The following NRG3 variants were observed in gnomAD, a reference collection of about 807,000 sequenced individuals.
NRG3 encodes the protein pro-neuregulin-3, membrane-bound isoform.
In NRG3, 31 loss-of-function variants were observed where a neutral mutation model predicts 66.9. The observed-to-expected ratio is 0.46, with a 90% CI of 0.35 to 0.63. NRG3 has a LOEUF of 0.63. Among genes scored for constraint, NRG3 ranks in the 20% least tolerant of loss-of-function variants. The pLI, the probability that NRG3 is intolerant of heterozygous loss-of-function variation, is 0.00. For synonymous variants in NRG3, 393 were observed against 359.4 expected (o/e 1.09, Z -1.06); for missense variants, 910 against 878.9 (o/e 1.04, Z -0.45).
chr10:82,948,659 T>C lies in NRG3; in HGVS notation c.1055-2810T>C, dbSNP rs1592059406. Among the ~76,000 whole-genome samples the C allele has an allele frequency of 3.9e-5, 6 of 152,292 alleles. No homozygotes were observed. In the South Asian group the frequency reaches 1.2e-3, roughly 32 times the overall value. On this transcript the variant is annotated intron_variant, in intron 4 of 8. Transcript: ENST00000372141. ...TTGTTAAATTGATCTCTATGTATTT[T>C]ACATGCTTTGATGCTATTGTAAATG... is the stretch of plus-strand genomic sequence containing the variant.
intron 3 of NRG3, among the ~76,000 whole-genome samples, chr10:82,836,713 A>C (rs1333233567): frequency 2.7e-5 from 4 of 150,498 alleles, no homozygotes; most frequent in Non-Finnish European, 4.4e-5. Context: ...ATTTTATTTT[A>C]TTTTTTTATT....
chr10:81,996,259 T>C (rs1171580449), intron 1 of NRG3, among the ~76,000 whole-genome samples: 1 of 152,206 alleles, frequency 6.6e-6, no homozygotes, highest in African/African-American at 2.4e-5. Flanking sequence ...CTACAAGGTA[T>C]GAAAATGTTG....
chr10:82,763,290 A>C (rs2059396211), intron 3 of NRG3, among the ~76,000 whole-genome samples: 1 of 152,330 alleles, frequency 6.6e-6, no homozygotes, highest in Non-Finnish European at 1.5e-5. Context: ...AGGCCACAGG[A>C]AAAATTCATG....
intron 1 of NRG3, among the ~76,000 whole-genome samples, chr10:82,320,128 G>T (rs1589709139): frequency 6.6e-6 from 1 of 152,134 alleles, no homozygotes; most frequent in African/African-American, 2.4e-5. Flanking sequence ...AATTCTAACT[G>T]CTCAGAAATG....
At chr10:82,552,080 G>A (rs1360599619) in intron 2 of NRG3, among the ~76,000 whole-genome samples, 2 of 152,052 alleles carry the variant, frequency 1.3e-5, no homozygotes, top group Non-Finnish European at 2.9e-5. Flanking sequence ...AGGACTGTAG[G>A]TGGAGTTGCT....
At chr10:82,707,005 AT>A (rs2056339674) in intron 2 of NRG3, among the ~76,000 whole-genome samples, 1 of 118,108 alleles carries the variant, frequency 8.5e-6, no homozygotes, top group African/African-American at 3.2e-5. Flanking sequence ...AAAAAAAAAA[AT>A]AAAATAAAAT....
chr10:82,979,245 T>C, intron 8 of NRG3, 125 bp downstream of exon 8: 1 of 967,316 alleles, frequency 1.0e-6, no homozygotes. Flanking sequence ...ATATGCTTAC[T>C]GCCATCTTTG....
At chr10:82,182,045 T>C (rs996874631) in intron 1 of NRG3, among the ~76,000 whole-genome samples, 1 of 151,858 alleles carries the variant, frequency 6.6e-6, no homozygotes, top group Non-Finnish European at 1.5e-5. Context: ...AAATGTATTT[T>C]GTCTGGTATA....
At position 82,682,946 on chromosome 10, in the gene NRG3, A is replaced by AT. The variant is rs71009814; in HGVS notation, c.954-55603dup. Among the ~76,000 whole-genome samples the AT allele has an allele frequency of 3.5e-3, 229 of 65,350 alleles. 17 individuals carry two copies. The highest frequency in any genetic ancestry group is 5.9e-3 in the Admixed American group (24 of 4,092). 42.9% of individuals were successfully genotyped at this position (65,350 alleles called of 152,430 possible). On this transcript the variant is annotated intron_variant, in intron 2 of 8. Transcript: ENST00000372141. ...TTGTGAAAATACAGACCATGTCTTA[A>AT]TTTTTTTTTTTTTTTTTTTTTTTTT...
intron 2 of NRG3, among the ~76,000 whole-genome samples, chr10:82,633,175 C>A (rs2049961423): frequency 6.6e-6 from 1 of 152,124 alleles, no homozygotes; most frequent in Admixed American, 6.5e-5. Flanking sequence ...CAGAAATCGT[C>A]CAGAAGACTT....
intron 1 of NRG3, among the ~76,000 whole-genome samples, chr10:82,111,640 A>G (rs1168609522): frequency 6.6e-6 from 1 of 152,144 alleles, no homozygotes; most frequent in Non-Finnish European, 1.5e-5. Flanking sequence ...CTGTGAATTT[A>G]CCTACCACAA....
chr10:82,457,525 G>T (rs2091322427), intron 2 of NRG3, among the ~76,000 whole-genome samples: 1 of 152,120 alleles, frequency 6.6e-6, no homozygotes, highest in Admixed American at 6.5e-5. Context: ...ACCAGCAGCA[G>T]TCCATGGCCT....
intron 2 of NRG3, among the ~76,000 whole-genome samples, chr10:82,707,778 GT>G (rs1210656633): frequency 6.8e-6 from 1 of 148,124 alleles, no homozygotes; most frequent in Admixed American, 6.8e-5. Context: ...GGAGGCTGAG[GT>G]GTGTGGATCA....
At chr10:82,935,517 G>A (rs1222712506) in intron 4 of NRG3, among the ~76,000 whole-genome samples, 1 of 152,152 alleles carries the variant, frequency 6.6e-6, no homozygotes, top group African/African-American at 2.4e-5. Context: ...AGACCTATGA[G>A]CACTAACATA....
At chr10:82,552,467 G>T (rs190006753) in intron 2 of NRG3, among the ~76,000 whole-genome samples, 1 of 152,228 alleles carries the variant, frequency 6.6e-6, no homozygotes, top group Admixed American at 6.5e-5. Context: ...TTTAAAAAAT[G>T]CTGACTAATG....
chr10:82,743,144 A>C (rs750767014), intron 3 of NRG3, among the ~76,000 whole-genome samples: 13 of 152,042 alleles, frequency 8.6e-5, no homozygotes, highest in Non-Finnish European at 1.6e-4. Flanking sequence ...AGTACTTAGC[A>C]TATTCCTGGC....
intron 1 of NRG3, among the ~76,000 whole-genome samples, chr10:82,292,840 A>T (rs1302240415): frequency 6.6e-6 from 1 of 152,174 alleles, no homozygotes; most frequent in African/African-American, 2.4e-5. Context: ...TTTAGGCAAG[A>T]GTTCAGAGTG....
intron 2 of NRG3, among the ~76,000 whole-genome samples, chr10:82,527,082 T>G (rs1312888722): frequency 6.6e-6 from 1 of 152,044 alleles, no homozygotes; most frequent in East Asian, 1.9e-4. Flanking sequence ...CAGGAATGTT[T>G]CATACCAAGA....
chr10:82,018,127 G>A (rs941011284), intron 1 of NRG3, among the ~76,000 whole-genome samples: 43 of 152,246 alleles, frequency 2.8e-4, no homozygotes, highest in African/African-American at 9.4e-4. Flanking sequence ...TGTAAGGAAG[G>A]GATCCAGTTT....
Sources: gnomAD v4.1 joint callset for allele counts (sites outside exome capture counted in the v4.1 genomes callset) on GRCh38, gnomAD v4.1.1 for gene constraint, MANE v1.5 for transcripts, NCBI Gene and HGNC (gene_info 2026-07-23, HGNC 2026-07-21) for gene names.